The following IPO5 variants were observed in gnomAD, a reference collection of about 807,000 sequenced individuals.
IPO5 encodes the protein importin 5, also known as importin-5.
Under a neutral mutation model 143.3 loss-of-function variants are expected in IPO5, and 18 were observed. The ratio of observed to expected loss-of-function variants is 0.13; its 90% confidence interval spans 0.09 to 0.19. IPO5 has a LOEUF of 0.19. Among genes scored for constraint, IPO5 ranks in the 10% least tolerant of loss-of-function variants. IPO5 has a pLI of 1.00. For synonymous variants in IPO5, 477 were observed against 465.7 expected, an observed-to-expected ratio of 1.02 and a Z score of -0.31; for missense variants, 1,013 against 1,336.9, an observed-to-expected ratio of 0.76 and a Z score of 3.78.
chr13:98,010,780 C>CTTTTTTTTTT lies in IPO5; in HGVS notation c.2055+565_2055+574dup, dbSNP rs71117688. 1.4e-3 allele frequency among the ~76,000 whole-genome samples: 95 copies of CTTTTTTTTTT among 70,008 alleles called. 13 individuals are homozygous for CTTTTTTTTTT. The highest frequency in any genetic ancestry group is 1.6e-3 in the Non-Finnish European group (67 of 42,444). The allele number at this position is 70,008 out of a possible 152,430, so 45.9% of individuals were successfully genotyped here. A position where few individuals can be genotyped will look rare whatever the true frequency, so the allele number is the denominator to read the frequency against. ...ATGCGTTTTAAAGTGAAGGATAATCCTTTTTTTTTTTTTTTTTTGAGGTGG... is the reference window on the plus strand; with the variant it reads ...ATGCGTTTTAAAGTGAAGGATAATCCTTTTTTTTTTTTTTTTTTTTTTTTTTTTGAGGTGG... On this transcript the variant is annotated intron_variant, in intron 20 of 28. Coordinates refer to ENST00000651721, the MANE Select transcript of IPO5 (RefSeq NM_002271.6).
chr13:98,003,935 T>G (rs553332769), intron 16 of IPO5, among the ~76,000 whole-genome samples: 72 of 152,228 alleles, frequency 4.7e-4, no homozygotes, highest in African/African-American at 1.7e-3. Flanking sequence ...AGAAGCAACA[T>G]CATTTTTGAG....
intron 25 of IPO5, 97 bp downstream of exon 25, chr13:98,016,948 C>T: frequency 1.1e-6 from 1 of 887,622 alleles, no homozygotes; most frequent in Non-Finnish European, 1.6e-6. Context: ...AAATGGGTCT[C>T]AGAAATGATT....
At chr13:97,961,291 T>G (rs1884861952) in intron 2 of IPO5, among the ~76,000 whole-genome samples, 1 of 152,260 alleles carries the variant, frequency 6.6e-6, no homozygotes, top group Non-Finnish European at 1.5e-5. Context: ...TGAACATTCA[T>G]GTACAAGTTT....
At chr13:97,988,681 G>T (rs544680718) in intron 6 of IPO5, among the ~76,000 whole-genome samples, 4 of 152,082 alleles carry the variant, frequency 2.6e-5, no homozygotes, top group Admixed American at 2.0e-4. Context: ...CCAGCTACTC[G>T]GGAGGCTGAG....
At chr13:98,011,751 A>G (rs1347618998) in intron 20 of IPO5, among the ~76,000 whole-genome samples, 1 of 152,106 alleles carries the variant, frequency 6.6e-6, no homozygotes, top group Non-Finnish European at 1.5e-5. Flanking sequence ...GTGATCTACC[A>G]GCCTCAGCCT....
At chr13:98,001,907 C>T (rs1342838199) in intron 13 of IPO5, 6 of 152,374 alleles carry the variant, frequency 3.9e-5, no homozygotes, top group African/African-American at 9.6e-5. Flanking sequence ...AGCCACCGCG[C>T]CTGGCCTGAT....
At chr13:98,009,396 T>G (rs573536619) in intron 18 of IPO5, among the ~76,000 whole-genome samples, 1 of 152,230 alleles carries the variant, frequency 6.6e-6, no homozygotes, top group Non-Finnish European at 1.5e-5. Flanking sequence ...CAGCCACTTA[T>G]GAGAAAATTA....
At chr13:97,964,757 C>T (rs890344044) in intron 2 of IPO5, among the ~76,000 whole-genome samples, 4 of 152,026 alleles carry the variant, frequency 2.6e-5, no homozygotes. Flanking sequence ...CCTCCCAGCA[C>T]CATTTCTTAT....
chr13:98,021,217 A>G (rs867324491), intron 28 of IPO5, 84 bp downstream of exon 28: 5 of 1,236,458 alleles, frequency 4.0e-6, no homozygotes, highest in Non-Finnish European at 5.6e-6. Flanking sequence ...CTAGAAATCT[A>G]ATGAGCTAAG....
chr13:98,015,496 CT>C, intron 22 of IPO5, 33 bp from the exon 23 acceptor site: 1 of 1,298,926 alleles, frequency 7.7e-7, no homozygotes, highest in Admixed American at 2.0e-5. Flanking sequence ...CACCCCAAAT[CT>C]TATGGATTGC....
intron 20 of IPO5, among the ~76,000 whole-genome samples, chr13:98,011,634 G>A (rs1449649834): frequency 1.3e-5 from 2 of 151,296 alleles, no homozygotes; most frequent in African/African-American, 4.9e-5. Flanking sequence ...AGCCTCCCAA[G>A]TACCTGGCAT....
intron 2 of IPO5, among the ~76,000 whole-genome samples, chr13:97,963,880 A>T (rs894990335): frequency 4.6e-5 from 7 of 152,060 alleles, no homozygotes; most frequent in Non-Finnish European, 5.9e-5. Flanking sequence ...CTTTTTAATG[A>T]TCACCATTCT....
intron 26 of IPO5, among the ~76,000 whole-genome samples, chr13:98,019,109 C>T (rs1331193736): frequency 2.0e-5 from 3 of 152,054 alleles, no homozygotes; most frequent in East Asian, 3.9e-4. Context: ...CATGCCACCA[C>T]GCCTGGCTAA....
rs774914100 is a variant in IPO5 at position 98,010,188 on chromosome 13, A to G, written c.2019A>G (p.Ala673=). Residue 673 remains alanine, a synonymous_variant, in exon 20 of 29, where the codon GCA becomes GCG. Transcript: ENST00000651721. Reference sequence around the variant, plus strand: ...AGCAAAGCTTTGGTATTAAAACTGCAGGACTAGAAGAAAAATCAACTGCTT... The same window carrying G: ...AGCAAAGCTTTGGTATTAAAACTGCGGGACTAGAAGAAAAATCAACTGCTT... ...GDQQSFGIKT[A]GLEEKSTACQ... 3 of 1,614,036 alleles carry G rather than the reference A, an allele frequency of 1.9e-6. No homozygotes were observed. The highest frequency in any genetic ancestry group is 2.5e-6 in the Non-Finnish European group (3 of 1,179,956).
At chr13:97,993,802 T>C (rs1887996727) in intron 11 of IPO5, among the ~76,000 whole-genome samples, 1 of 152,254 alleles carries the variant, frequency 6.6e-6, no homozygotes, top group Non-Finnish European at 1.5e-5. Context: ...AATGAGCTAA[T>C]GAGTACTTGA....
In IPO5 at chr13:97,976,676, TTC is replaced by T. The variant is rs1566473031; in HGVS notation, c.-4-10_-4-9del. The T allele has an allele frequency of 2.4e-6, 3 of 1,250,020 alleles. No individual in the cohort carries two copies. The highest frequency in any genetic ancestry group is 1.4e-5 in the South Asian group (1 of 73,948). 77.4% of individuals were successfully genotyped at this position (1,250,020 alleles called of 1,614,324 possible). A position where few individuals can be genotyped will look rare whatever the true frequency, so the allele number is the denominator to read the frequency against. ...CACGGCTCCTGTCTCCCCTCCCTCC[TTC>T]TCTCTCACGCCTAGCGCAATGGCGG... On this transcript the variant is annotated splice_polypyrimidine_tract_variant and intron_variant, in intron 3 of 28. Transcript: ENST00000651721.
Position 98,012,295 on chromosome 13 carries a change from A to G in IPO5, c.2105A>G (p.Gln702Arg). 6.2e-7 allele frequency: 1 copy of G among 1,613,118 alleles called. No individual in the cohort carries two copies. The highest frequency in any genetic ancestry group is 8.5e-7 in the Non-Finnish European group (1 of 1,179,058). ...LKEGFVEYTE[Q>R]VVKLMVPLLK... Reference sequence around the variant, plus strand: ...GAAGGCTTTGTGGAGTACACCGAACAGGTTGTCAAACTGATGGTCCCTTTA... The same window carrying G: ...GAAGGCTTTGTGGAGTACACCGAACGGGTTGTCAAACTGATGGTCCCTTTA... The change falls in exon 21 of 29, where the codon CAG becomes CGG. Residue 702 changes from glutamine (Q) to arginine (R), a missense_variant. This residue lies in a region of IPO5 where 685 missense variants were observed against 994.9 expected (regional missense o/e 0.69). Transcript: ENST00000651721.
chr13:97,984,229 C>T (rs559520338), intron 5 of IPO5, among the ~76,000 whole-genome samples: 158 of 151,972 alleles, frequency 1.0e-3, no homozygotes, highest in African/African-American at 3.5e-3. Context: ...CCGCCCGCCT[C>T]GGCCTCCCAA....
At chr13:98,002,813 G>A in intron 15 of IPO5, 40 bp downstream of exon 15, 1 of 1,596,718 alleles carries the variant, frequency 6.3e-7, no homozygotes. Context: ...CAGACTTTAG[G>A]AAGAAGGGTG....
Sources: gnomAD v4.1 joint callset for allele counts (sites outside exome capture counted in the v4.1 genomes callset) on GRCh38, gnomAD v4.1.1 for gene constraint, gnomAD v4.1.1 regional missense constraint, MANE v1.5 for transcripts, NCBI Gene and HGNC (gene_info 2026-07-23, HGNC 2026-07-21) for gene names.